PARPBP: variants seen among roughly 807,000 people sequenced by gnomAD.
PARPBP encodes PCNA-interacting partner.
PARPBP carries 52 observed loss-of-function variants against 50.0 expected under a neutral mutation model. The observed-to-expected ratio is 1.04, with a 90% CI of 0.83 to 1.31. The LOEUF is 1.31. Among genes scored for constraint, PARPBP ranks in the 50% most tolerant of loss-of-function variants. The probability of loss-of-function intolerance (pLI) is 0.00; values close to 1 mark genes in which losing one functional copy is unlikely to be tolerated. For synonymous variants in PARPBP, 244 were observed against 232.1 expected, an observed-to-expected ratio of 1.05 and a Z score of -0.47; for missense variants, 697 against 672.0, an observed-to-expected ratio of 1.04 and a Z score of -0.41.
chr12:102,160,317 T>C (rs532218404), intron 4 of PARPBP, among the ~76,000 whole-genome samples: 40 of 152,274 alleles, frequency 2.6e-4, no homozygotes, highest in African/African-American at 9.4e-4. Flanking sequence ...AAAGAGCAAG[T>C]TGTAGATGTG....
At chr12:102,124,361 A>G (rs1881629345) in intron 2 of PARPBP, among the ~76,000 whole-genome samples, 1 of 152,166 alleles carries the variant, frequency 6.6e-6, no homozygotes, top group Non-Finnish European at 1.5e-5. Context: ...GACTTTTTTC[A>G]TTCCCTAAAC....
At chr12:102,168,783 T>G (rs1888406842) in intron 6 of PARPBP, among the ~76,000 whole-genome samples, 1 of 152,128 alleles carries the variant, frequency 6.6e-6, no homozygotes, top group African/African-American at 2.4e-5. Context: ...TGGACATTGC[T>G]TCACTGGTTA....
intron 3 of PARPBP, 21 bp from the exon 4 acceptor site, chr12:102,153,848 A>T: frequency 7.8e-7 from 1 of 1,280,268 alleles, no homozygotes; most frequent in Non-Finnish European, 1.1e-6. Flanking sequence ...TTTTATTAGT[A>T]ATACTCTATG....
rs146074209 is a variant in PARPBP, at chr12:102,178,669, C to T, written c.1083C>T (p.Asp361=). The change falls in exon 8 of 11, where the codon GAC becomes GAT. Residue 361 remains aspartate, a synonymous_variant. Coordinates refer to ENST00000327680, the MANE Select transcript of PARPBP (RefSeq NM_017915.5). Reference sequence around the variant, plus strand: ...TGAAAGCCTTATTAGTTCTTTTGGACGAAGAAGCAGCTAATGCTCCTACCA... The same window carrying T: ...TGAAAGCCTTATTAGTTCTTTTGGATGAAGAAGCAGCTAATGCTCCTACCA... ...DTVKALLVLL[D]EEAANAPTKN... The T allele has an allele frequency of 9.1e-4, 1,461 of 1,612,996 alleles. 6 individuals carry two copies. Among genetic ancestry groups the T allele is most frequent in the Middle Eastern group, 5.0e-4 (3 of 6,054 alleles).
intron 6 of PARPBP, among the ~76,000 whole-genome samples, chr12:102,168,247 A>G (rs976177823): frequency 6.6e-6 from 1 of 152,184 alleles, no homozygotes; most frequent in African/African-American, 2.4e-5. Flanking sequence ...GTTTGTTATA[A>G]TTACATTCCT....
Position 102,151,734 on chromosome 12 carries a change from T to A in PARPBP, c.388-2135T>A, listed in dbSNP as rs371765971. On this transcript the variant is annotated intron_variant, in intron 3 of 10. Coordinates refer to ENST00000327680, the MANE Select transcript of PARPBP (RefSeq NM_017915.5). Reference sequence around the variant, plus strand: ...GCTGGTCCCTAAACTTCAGATTGCCTGGGATTCCCATCACGGTCCAGAAGA... The same window carrying A: ...GCTGGTCCCTAAACTTCAGATTGCCAGGGATTCCCATCACGGTCCAGAAGA... 4.7e-4 allele frequency: 716 copies of A among 1,535,630 alleles called. 1 individual carries two copies. The African/African-American group carries it at 7.7e-3, about 17-fold the overall frequency.
At chr12:102,146,800 AT>A (rs1445131077) in intron 2 of PARPBP, among the ~76,000 whole-genome samples, 2 of 152,172 alleles carry the variant, frequency 1.3e-5, no homozygotes, top group African/African-American at 2.4e-5. Context: ...ATGGGAGAAA[AT>A]TTCCGCAACC....
In PARPBP at chr12:102,165,899, A is replaced by G. The variant is rs1183324194; in HGVS notation, c.821+16A>G. 3.5e-6 allele frequency: 5 copies of G among 1,420,122 alleles called. No individual in the cohort carries two copies. Among genetic ancestry groups the G allele is most frequent in the Non-Finnish European group, 3.9e-6 (4 of 1,019,830 alleles). The allele number at this position is 1,420,122 out of a possible 1,614,324, so 88.0% of individuals were successfully genotyped here. A position where few individuals can be genotyped will look rare whatever the true frequency, so the allele number is the denominator to read the frequency against. ...CAAACCCAAGGTAATGACTTTTCATATATTACAAATATGTTTTTAATCTAT... is the reference window on the plus strand; with the variant it reads ...CAAACCCAAGGTAATGACTTTTCATGTATTACAAATATGTTTTTAATCTAT... On this transcript the variant is annotated intron_variant, in intron 6 of 10. Coordinates refer to ENST00000327680, the MANE Select transcript of PARPBP (RefSeq NM_017915.5).
intron 2 of PARPBP, among the ~76,000 whole-genome samples, chr12:102,133,783 C>T (rs1306699447): frequency 6.6e-6 from 1 of 151,994 alleles, no homozygotes; most frequent in Admixed American, 6.6e-5. Flanking sequence ...TGAAATCATA[C>T]TGAGTATCTT....
chr12:102,154,070 A>C, intron 4 of PARPBP, 94 bp downstream of exon 4: 1 of 716,628 alleles, frequency 1.4e-6, no homozygotes, highest in South Asian at 1.8e-5. Flanking sequence ...GCTTTGTAAA[A>C]ATTTTTTTAA....
intron 3 of PARPBP, among the ~76,000 whole-genome samples, chr12:102,151,366 T>C (rs1886175569): frequency 1.3e-5 from 2 of 152,212 alleles, no homozygotes; most frequent in African/African-American, 4.8e-5. Flanking sequence ...AGAATGCAGC[T>C]GAAGGCATAG....
chr12:102,136,523 C>T (rs1219366223), intron 2 of PARPBP, among the ~76,000 whole-genome samples: 1 of 152,160 alleles, frequency 6.6e-6, no homozygotes, highest in Non-Finnish European at 1.5e-5. Context: ...CAATCCAAGT[C>T]AGTTTTTCTT....
Position 102,123,987 on chromosome 12 carries a change from T to C in PARPBP, c.99T>C (p.Gly33=), listed in dbSNP as rs1296300114. 1 of 1,534,948 alleles carries C rather than the reference T, an allele frequency of 6.5e-7. No individual in the cohort carries two copies. The highest frequency in any genetic ancestry group is 2.0e-5 in the Admixed American group (1 of 51,002). Residue 33 remains glycine (G), a synonymous_variant, in exon 2 of 11, where the codon GGT becomes GGC. Coordinates refer to ENST00000327680, the MANE Select transcript of PARPBP (RefSeq NM_017915.5). Reference sequence around the variant, plus strand: ...ACTCTGAGAGAACTACTCTATGTGGTGCAGACTCCATGCTCTTGGCATTGC... The same window carrying C: ...ACTCTGAGAGAACTACTCTATGTGGCGCAGACTCCATGCTCTTGGCATTGC... ...LCNSERTTLC[G]ADSMLLALQL...
intron 9 of PARPBP, among the ~76,000 whole-genome samples, chr12:102,193,281 G>A (rs1024360835): frequency 6.6e-6 from 1 of 151,814 alleles, no homozygotes; most frequent in Non-Finnish European, 1.5e-5. Context: ...ATTTTTGTTT[G>A]TGCTAAACAT....
intron 2 of PARPBP, 86 bp downstream of exon 2, chr12:102,124,127 T>G (rs1881589535): frequency 1.1e-6 from 1 of 891,656 alleles, no homozygotes. Flanking sequence ...CTTAAGAATA[T>G]TAATTTCTTT....
At chr12:102,165,395 A>G (rs1368138306) in intron 5 of PARPBP, among the ~76,000 whole-genome samples, 1 of 152,172 alleles carries the variant, frequency 6.6e-6, no homozygotes, top group East Asian at 1.9e-4. Flanking sequence ...AATAGCTAGT[A>G]GTCAACTATA....
chr12:102,126,298 A>AC (rs1438762154), intron 2 of PARPBP, among the ~76,000 whole-genome samples: 1 of 151,798 alleles, frequency 6.6e-6, no homozygotes, highest in Non-Finnish European at 1.5e-5. Context: ...CACAAGCCCC[A>AC]CCTTTTGCTT....
chr12:102,171,177 G>A (rs1888686556), intron 6 of PARPBP, among the ~76,000 whole-genome samples: 1 of 150,890 alleles, frequency 6.6e-6, no homozygotes, highest in African/African-American at 2.4e-5. Context: ...AGTAGAAGGA[G>A]TACACTCTAA....
In PARPBP at chr12:102,169,320, T is replaced by G. The variant is rs754464626; in HGVS notation, c.821+3437T>G. 5.6e-4 allele frequency among the ~76,000 whole-genome samples: 85 copies of G among 152,180 alleles called. 1 individual carries two copies. The highest frequency in any genetic ancestry group is 1.2e-4 in the Non-Finnish European group (8 of 68,008). On this transcript the variant is annotated intron_variant, in intron 6 of 10. Transcript: ENST00000327680. ...ATGCAAATTCTTCTAAATCTATATT[T>G]CAGTGAAATTCGAACCTCTTTCCTG...
Sources: allele counts gnomAD v4.1 joint callset (sites outside exome capture counted in the v4.1 genomes callset), GRCh38; gene constraint gnomAD v4.1.1; transcripts MANE v1.5; gene names NCBI Gene and HGNC (gene_info 2026-07-23, HGNC 2026-07-21).